SNX2: variants seen among roughly 807,000 people sequenced by gnomAD.
SNX2 encodes sorting nexin-2.
In SNX2, 25 loss-of-function variants were observed where a neutral mutation model predicts 69.9. The ratio of observed to expected loss-of-function variants is 0.36; its 90% CI spans 0.26 to 0.50. SNX2 has a LOEUF of 0.50. Ranked by LOEUF, SNX2 falls within the 20% of genes least tolerant of loss-of-function variation. The pLI is 0.97. For synonymous variants in SNX2, 229 were observed against 200.4 expected, an observed-to-expected ratio of 1.14 and a Z score of -1.20; for missense variants, 551 against 613.3, an observed-to-expected ratio of 0.90 and a Z score of 1.07.
Position 122,808,311 on chromosome 5 carries a change from A to T in SNX2, c.678A>T (p.Ser226=). The change falls in exon 7 of 15, where the codon TCA becomes TCT. Residue 226 remains serine (S), a synonymous_variant. Coordinates refer to ENST00000379516, the MANE Select transcript of SNX2 (RefSeq NM_003100.4). ...AGGTCAAAGTGGGTAAAGAAGACTC[A>T]TCATCCACTGAGTTTGTAGAAAAAC... ...MTKVKVGKED[S]SSTEFVEKRR... The T allele has an allele frequency of 6.2e-7, 1 of 1,611,624 alleles. No individual in the cohort carries two copies. The highest frequency in any genetic ancestry group is 1.7e-5 in the Admixed American group (1 of 59,318).
chr5:122,818,891 A>T lies in SNX2; in HGVS notation c.1080A>T (p.Leu360Phe). 1 of 1,614,028 alleles carries T rather than the reference A, an allele frequency of 6.2e-7. No individual in the cohort carries two copies. Among genetic ancestry groups the T allele is most frequent in the Non-Finnish European group, 8.5e-7 (1 of 1,179,938 alleles). ...GTAATTCTGAGGATCATACTGCTTT[A>T]TCTAGAGCTTTGTCTCAGCTTGCAG... ...MLGNSEDHTA[L>F]SRALSQLAEV... is the part of the protein sequence containing the mutation. Residue 360 changes from leucine (L) to phenylalanine (F), a missense_variant, in exon 11 of 15, where the codon TTA becomes TTT. Coordinates refer to ENST00000379516, the MANE Select transcript of SNX2 (RefSeq NM_003100.4).
At chr5:122,788,080 T>C (rs1753132664) in intron 1 of SNX2, among the ~76,000 whole-genome samples, 1 of 152,264 alleles carries the variant, frequency 6.6e-6, no homozygotes, top group Admixed American at 6.5e-5. Flanking sequence ...GATCTGTTGG[T>C]GATGAATATT....
chr5:122,823,167 T>TAAA, intron 11 of SNX2, among the ~76,000 whole-genome samples: 1 of 125,706 alleles, frequency 8.0e-6, no homozygotes, highest in Non-Finnish European at 1.7e-5. Context: ...TTATCCCTCT[T>TAAA]ATAATGGTTC....
At chr5:122,789,616 A>G (rs888226306) in intron 1 of SNX2, among the ~76,000 whole-genome samples, 1 of 152,080 alleles carries the variant, frequency 6.6e-6, no homozygotes. Context: ...TCTGCAAGAG[A>G]AAAGAGGGGG....
intron 1 of SNX2, among the ~76,000 whole-genome samples, chr5:122,777,217 C>G (rs1752875742): frequency 6.6e-6 from 1 of 152,178 alleles, no homozygotes; most frequent in Non-Finnish European, 1.5e-5. Context: ...CTGTGCCTCA[C>G]TGGAAACTTC....
chr5:122,830,262 A>T lies in SNX2; in HGVS notation c.*614A>T, dbSNP rs893088918. 2.4e-4 allele frequency among the ~76,000 whole-genome samples: 37 copies of T among 151,916 alleles called. No individual in the cohort carries two copies. The highest frequency in any genetic ancestry group is 7.5e-4 in the African/African-American group (31 of 41,424). ...GCTGAACTCATTAAATGACTAAATG[A>T]AGCTTAAGTTTTCTTATGAAACCAT... On this transcript the variant is annotated 3_prime_UTR_variant, in exon 15 of 15. Transcript: ENST00000379516.
intron 2 of SNX2, among the ~76,000 whole-genome samples, chr5:122,798,134 A>G (rs1175930298): frequency 6.6e-6 from 1 of 151,784 alleles, no homozygotes; most frequent in African/African-American, 2.4e-5. Flanking sequence ...TGTTGTAAAT[A>G]TCTCACACTT....
chr5:122,829,285 A>T (rs1325138658), intron 14 of SNX2, among the ~76,000 whole-genome samples: 2 of 151,104 alleles, frequency 1.3e-5, no homozygotes, highest in African/African-American at 4.9e-5. Context: ...GCTCACTGCA[A>T]CCTCTGTCTC....
intron 6 of SNX2, among the ~76,000 whole-genome samples, chr5:122,805,987 AGC>A (rs1753633502): frequency 6.6e-6 from 1 of 151,678 alleles, no homozygotes; most frequent in South Asian, 2.1e-4. Flanking sequence ...TCACCATGTT[AGC>A]CAGGATGGTC....
chr5:122,832,377 ACTT>A lies in SNX2; in HGVS notation c.*2732_*2734del, dbSNP rs1754311939. 1 of 147,492 alleles carries A rather than the reference ACTT, an allele frequency of 6.8e-6. No homozygotes were observed. The highest frequency in any genetic ancestry group is 6.7e-5 in the Admixed American group (1 of 14,876). 9.1% of individuals were successfully genotyped at this position (147,492 alleles called of 1,614,324 possible). A position where few individuals can be genotyped will look rare whatever the true frequency, so the allele number is the denominator to read the frequency against. ...GTTGGAAAACAATTCTAATCAAAGA[ACTT>A]CTATTAAGTAAAACAAGACAAAATG... is the stretch of plus-strand genomic sequence containing the variant. On this transcript the variant is annotated 3_prime_UTR_variant, in exon 15 of 15. Transcript: ENST00000379516.
At chr5:122,804,028 A>G (rs931537227) in intron 6 of SNX2, among the ~76,000 whole-genome samples, 1 of 151,926 alleles carries the variant, frequency 6.6e-6, no homozygotes, top group Non-Finnish European at 1.5e-5. Context: ...AATTCCAGCT[A>G]CTCGGTGGGC....
At chr5:122,776,134 C>T (rs942812367) in intron 1 of SNX2, among the ~76,000 whole-genome samples, 1 of 152,076 alleles carries the variant, frequency 6.6e-6, no homozygotes, top group South Asian at 2.1e-4. Flanking sequence ...ATGAAATTTC[C>T]CAGAGGATTG....
At chr5:122,812,515 C>T (rs1205120491) in intron 7 of SNX2, among the ~76,000 whole-genome samples, 1 of 152,242 alleles carries the variant, frequency 6.6e-6, no homozygotes, top group Non-Finnish European at 1.5e-5. Context: ...CTATTCCAGT[C>T]ATTGGCTTTC....
intron 12 of SNX2, among the ~76,000 whole-genome samples, chr5:122,826,873 C>T (rs1028971037): frequency 1.3e-5 from 2 of 151,918 alleles, no homozygotes; most frequent in African/African-American, 4.8e-5. Flanking sequence ...TTTTTCCAAT[C>T]TGGTCATTTT....
intron 5 of SNX2, among the ~76,000 whole-genome samples, chr5:122,802,819 C>G (rs1349285753): frequency 1.3e-5 from 2 of 152,072 alleles, no homozygotes; most frequent in Admixed American, 6.6e-5. Context: ...TAAGTGGCTT[C>G]TTGAGTTATG....
At position 122,775,115 on chromosome 5, in the gene SNX2, G is replaced by A. The variant is rs192241316; in HGVS notation, c.12G>A (p.Glu4=). MAA[E]REPPPLGDGK... Reference sequence around the variant, plus strand: ...TCGGGTGAGCGAAGATGGCGGCCGAGAGGGAACCTCCTCCGCTGGGGGACG... The same window carrying A: ...TCGGGTGAGCGAAGATGGCGGCCGAAAGGGAACCTCCTCCGCTGGGGGACG... The change falls in exon 1 of 15, where the codon GAG becomes GAA. Residue 4 remains glutamate, a synonymous_variant. Coordinates refer to ENST00000379516, the MANE Select transcript of SNX2 (RefSeq NM_003100.4). 3.1e-6 allele frequency: 5 copies of A among 1,590,006 alleles called. No individual in the cohort carries two copies. In the African/African-American group the frequency reaches 5.4e-5, roughly 17 times the overall value.
At chr5:122,775,710 C>G (rs972433982) in intron 1 of SNX2, 1 of 985,638 alleles carries the variant, frequency 1.0e-6, no homozygotes, top group African/African-American at 1.7e-5. Context: ...TGGCCCTTCA[C>G]GGACTGCTGG....
Position 122,799,862 on chromosome 5 carries a change from GA to G in SNX2, c.390+11del, listed in dbSNP as rs775891217. The G allele has an allele frequency of 1.9e-6, 3 of 1,600,402 alleles. No homozygotes were observed. Among genetic ancestry groups the G allele is most frequent in the East Asian group, 4.5e-5 (2 of 44,450 alleles). On this transcript the variant is annotated splice_region_variant and intron_variant, in intron 3 of 14. Coordinates refer to ENST00000379516, the MANE Select transcript of SNX2 (RefSeq NM_003100.4). Reference sequence around the variant, plus strand: ...TGATAGATCCAGGGAAGAGGTACAGGAAAATGTATTCTAAATTAATATGTAA... The same window carrying G: ...TGATAGATCCAGGGAAGAGGTACAGGAAATGTATTCTAAATTAATATGTAA...
intron 3 of SNX2, 33 bp from the exon 4 acceptor site, chr5:122,801,836 T>G: frequency 7.4e-7 from 1 of 1,347,760 alleles, no homozygotes; most frequent in East Asian, 2.3e-5. Context: ...AAATTATAAT[T>G]TTTAATGCCA....
Sources: allele counts gnomAD v4.1 joint callset (sites outside exome capture counted in the v4.1 genomes callset), GRCh38; gene constraint gnomAD v4.1.1; transcripts MANE v1.5; gene names NCBI Gene and HGNC (gene_info 2026-07-23, HGNC 2026-07-21).